The following U2SURP variants were observed in gnomAD, a reference collection of about 807,000 sequenced individuals.
The protein encoded by U2SURP is U2 snRNP associated SURP domain containing.
Under a neutral mutation model 144.9 loss-of-function variants are expected in U2SURP, and 9 were observed. That is an observed-to-expected ratio of 0.06 (90% confidence interval 0.04 to 0.11). The LOEUF is 0.11. Ranked by LOEUF, U2SURP falls within the 10% of genes least tolerant of loss-of-function variation. The probability of loss-of-function intolerance (pLI) is 1.00; values close to 1 mark genes in which losing one functional copy is unlikely to be tolerated. For missense variants in U2SURP, 724 were observed against 1,226.7 expected, an observed-to-expected ratio of 0.59 and a Z score of 6.12; for synonymous variants, 408 against 396.8, an observed-to-expected ratio of 1.03 and a Z score of -0.33.
At chr3:143,051,597 C>T (rs1253903179) in intron 25 of U2SURP, among the ~76,000 whole-genome samples, 5 of 71,952 alleles carry the variant, frequency 6.9e-5, no homozygotes, top group Non-Finnish European at 9.4e-5. Flanking sequence ...TTGAGACTGT[C>T]GTTGCAAAAA....
intron 6 of U2SURP, among the ~76,000 whole-genome samples, chr3:143,019,745 A>C (rs575959196): frequency 2.6e-5 from 4 of 152,266 alleles, no homozygotes; most frequent in Admixed American, 1.3e-4. Flanking sequence ...TTCCCTGACT[A>C]CTGGTTGTCA....
At position 143,016,958 on chromosome 3, in the gene U2SURP, A is replaced by G; in HGVS notation, c.553A>G (p.Ile185Val). Residue 185 changes from isoleucine to valine, a missense_variant, in exon 6 of 28, where the codon ATA (isoleucine) becomes GTA (valine). By Grantham distance (29) the Ile-to-Val change is conservative. Transcript: ENST00000473835. ...SNERPPSLLV[I>V]ETKKPPLKKG... ...TGAAAGACCACCATCTCTTCTTGTG[A>G]TAGAAACCAAAAAACCTGTAAGTCA... is the stretch of plus-strand genomic sequence containing the variant. The G allele has an allele frequency of 6.3e-7, 1 of 1,578,298 alleles. No homozygotes were observed. The highest frequency in any genetic ancestry group is 1.2e-5 in the South Asian group (1 of 84,296).
At chr3:143,047,248 C>T (rs1178577115) in intron 24 of U2SURP, among the ~76,000 whole-genome samples, 1 of 78,168 alleles carries the variant, frequency 1.3e-5, no homozygotes, top group African/African-American at 8.4e-5. Context: ...CCCTCCCGGA[C>T]GGGGCGGCCG....
intron 24 of U2SURP, among the ~76,000 whole-genome samples, chr3:143,049,278 A>G (rs555306212): frequency 6.7e-6 from 1 of 149,650 alleles, no homozygotes; most frequent in South Asian, 2.1e-4. Flanking sequence ...AAAAAAAAAA[A>G]AAAAAAAAAA....
intron 4 of U2SURP, among the ~76,000 whole-genome samples, chr3:143,015,403 A>G (rs1429217318): frequency 6.7e-6 from 1 of 149,800 alleles, no homozygotes; most frequent in Non-Finnish European, 1.5e-5. Context: ...AATCAGATTT[A>G]TCAGTCTTTC....
chr3:143,003,782 C>T (rs1327635990), intron 1 of U2SURP, among the ~76,000 whole-genome samples: 6 of 149,850 alleles, frequency 4.0e-5, no homozygotes, highest in Non-Finnish European at 8.9e-5. Context: ...ACCTCCGCCT[C>T]CCGGGTTCAA....
chr3:143,031,677 A>G (rs1328098641), intron 16 of U2SURP, among the ~76,000 whole-genome samples: 1 of 152,248 alleles, frequency 6.6e-6, no homozygotes, highest in Non-Finnish European at 1.5e-5. Context: ...TGGGAAATCA[A>G]AAAACTTATG....
chr3:143,030,380 C>A (rs897523241), intron 16 of U2SURP, among the ~76,000 whole-genome samples: 2 of 152,174 alleles, frequency 1.3e-5, no homozygotes, highest in Non-Finnish European at 2.9e-5. Context: ...TGCCTGTGCT[C>A]TATAAATGGA....
chr3:143,001,799 G>A (rs926927674), intron 1 of U2SURP, 126 bp downstream of exon 1: 18 of 1,258,278 alleles, frequency 1.4e-5, no homozygotes, highest in African/African-American at 1.5e-5. Flanking sequence ...GGTAGGCCCG[G>A]GCGCCGCCGC....
intron 4 of U2SURP, among the ~76,000 whole-genome samples, chr3:143,015,299 A>C (rs560151385): frequency 3.0e-4 from 45 of 152,226 alleles, no homozygotes; most frequent in African/African-American, 1.1e-3. Flanking sequence ...TTATATTAAC[A>C]CTTTGTTATA....
chr3:143,002,334 A>G (rs1430200380), intron 1 of U2SURP: 1 of 152,344 alleles, frequency 6.6e-6, no homozygotes, highest in Admixed American at 6.5e-5. Flanking sequence ...TGTTGAAGAA[A>G]CAGTGAAAAG....
intron 17 of U2SURP, 104 bp from the exon 18 acceptor site, chr3:143,033,166 TG>T: frequency 1.2e-6 from 1 of 829,994 alleles, no homozygotes; most frequent in South Asian, 1.8e-5. Context: ...ATAGTTGTGG[TG>T]ATACTGAGCT....
intron 16 of U2SURP, among the ~76,000 whole-genome samples, chr3:143,029,700 T>C (rs895406703): frequency 2.0e-5 from 3 of 152,208 alleles, no homozygotes; most frequent in East Asian, 1.9e-4. Flanking sequence ...ATGATTAAGC[T>C]TAGTTAGGAA....
At position 143,021,567 on chromosome 3, in the gene U2SURP, T is replaced by C; in HGVS notation, c.852+12T>C. ...ACATTAATCCACAGGTAATATTAAG[T>C]AAGATGAATGTTGATTGATATGCTT... On this transcript the variant is annotated intron_variant, in intron 10 of 27. Coordinates refer to ENST00000473835, the MANE Select transcript of U2SURP (RefSeq NM_001080415.2). 6.2e-7 allele frequency: 1 copy of C among 1,604,250 alleles called. No individual in the cohort carries two copies. Among genetic ancestry groups the C allele is most frequent in the Non-Finnish European group, 8.5e-7 (1 of 1,172,630 alleles).
At chr3:143,004,723 C>T (rs1194144061) in intron 1 of U2SURP, among the ~76,000 whole-genome samples, 1 of 152,052 alleles carries the variant, frequency 6.6e-6, no homozygotes, top group Non-Finnish European at 1.5e-5. Flanking sequence ...GAAGAGACCC[C>T]TGTGCACTTT....
At chr3:143,045,752 C>A (rs2108309103) in intron 24 of U2SURP, among the ~76,000 whole-genome samples, 1 of 152,340 alleles carries the variant, frequency 6.6e-6, no homozygotes, top group Non-Finnish European at 1.5e-5. Flanking sequence ...CTGCCTCTCA[C>A]AACTTAGTTG....
chr3:143,038,219 A>G lies in U2SURP; in HGVS notation c.2317+16A>G. 1 of 1,554,558 alleles carries G rather than the reference A, an allele frequency of 6.4e-7. No individual in the cohort carries two copies. The highest frequency in any genetic ancestry group is 8.7e-7 in the Non-Finnish European group (1 of 1,149,716). ...GAAGCACAGGGTGAGTAAAAGTAAAATAAATATTTTTTAAATTAAGTACTT... is the reference window on the plus strand; with the variant it reads ...GAAGCACAGGGTGAGTAAAAGTAAAGTAAATATTTTTTAAATTAAGTACTT... On this transcript the variant is annotated intron_variant, in intron 22 of 27. Coordinates refer to ENST00000473835, the MANE Select transcript of U2SURP (RefSeq NM_001080415.2).
At chr3:143,012,605 A>C (rs1374653282) in intron 3 of U2SURP, among the ~76,000 whole-genome samples, 1 of 152,180 alleles carries the variant, frequency 6.6e-6, no homozygotes, top group Non-Finnish European at 1.5e-5. Context: ...GTTTGGATTT[A>C]AAATGGTTAA....
Position 143,056,662 on chromosome 3 carries a change from C to A in U2SURP, c.*212C>A, listed in dbSNP as rs147882033. 3.2e-5 allele frequency: 16 copies of A among 493,652 alleles called. No individual in the cohort carries two copies. Among genetic ancestry groups the A allele is most frequent in the Non-Finnish European group, 5.2e-5 (15 of 285,754 alleles). The allele number at this position is 493,652 out of a possible 1,614,324, so 30.6% of individuals were successfully genotyped here. On this transcript the variant is annotated 3_prime_UTR_variant, in exon 28 of 28. Transcript: ENST00000473835. The stretch of plus-strand genomic sequence containing the variant: ...AATTACTTTCATTGTGGCTATTTCT[C>A]AAGATGAAATTTTTATTGTTCTAAT...
Sources: allele counts gnomAD v4.1 joint callset (sites outside exome capture counted in the v4.1 genomes callset), GRCh38; gene constraint gnomAD v4.1.1; transcripts MANE v1.5; gene names NCBI Gene and HGNC (gene_info 2026-07-23, HGNC 2026-07-21).